The following COL11A1 variants were observed in gnomAD, a reference collection of about 807,000 sequenced individuals.
COL11A1 encodes collagen type XI alpha 1 chain, also known as collagen alpha-1(XI) chain.
In COL11A1, 74 loss-of-function variants were observed where a neutral mutation model predicts 265.2. The observed-to-expected ratio is 0.28, with a 90% CI of 0.23 to 0.34. The LOEUF is 0.34. Among genes scored for constraint, COL11A1 ranks in the 10% least tolerant of loss-of-function variants. The pLI is 1.00. For synonymous variants in COL11A1, 816 were observed against 727.6 expected (o/e 1.12, Z -1.96); for missense variants, 2,165 against 2,263.6 (o/e 0.96, Z 0.88).
At chr1:102,966,728 CATGTGTGCATATGTGT>C (rs1203881942) in intron 37 of COL11A1, among the ~76,000 whole-genome samples, 3 of 152,114 alleles carry the variant, frequency 2.0e-5, no homozygotes, top group African/African-American at 7.2e-5. Context: ...CACATATATA[CATGTGTGCATATGTGT>C]ATGTGTGTCC....
intron 4 of COL11A1, among the ~76,000 whole-genome samples, chr1:103,047,540 C>A (rs998788250): frequency 6.6e-6 from 1 of 152,168 alleles, no homozygotes; most frequent in Non-Finnish European, 1.5e-5. Flanking sequence ...ACAATCATGT[C>A]ATCTGCAAAC....
intron 31 of COL11A1, among the ~76,000 whole-genome samples, 181 bp downstream of exon 31, chr1:102,983,957 A>G (rs1663285973): frequency 6.6e-6 from 1 of 152,050 alleles, no homozygotes; most frequent in African/African-American, 2.4e-5. Flanking sequence ...GCAATCCATA[A>G]TCACCTAAGC....
intron 1 of COL11A1, among the ~76,000 whole-genome samples, chr1:103,085,599 A>C (rs112547358): frequency 1.3e-5 from 2 of 152,104 alleles, no homozygotes; most frequent in Admixed American, 1.3e-4. Flanking sequence ...GACCTGCTTG[A>C]CTTATATTCT....
intron 66 of COL11A1, among the ~76,000 whole-genome samples, chr1:102,879,111 A>G (rs1649910850): frequency 6.6e-6 from 1 of 152,154 alleles, no homozygotes; most frequent in South Asian, 2.1e-4. Flanking sequence ...TCAGTCATCA[A>G]TACTCAGCTA....
Position 102,940,425 on chromosome 1 carries a change from C to T in COL11A1, c.3286G>A (p.Gly1096Ser). 6.2e-7 allele frequency: 1 copy of T among 1,612,752 alleles called. No individual in the cohort carries two copies. The highest frequency in any genetic ancestry group is 8.5e-7 in the Non-Finnish European group (1 of 1,179,040). Reference sequence around the variant, plus strand: ...TCTCTCCCTGCAGGCCCTTGGGGACCTTTTTCTCCCTGTATTGAATATCCA... The same window carrying T: ...TCTCTCCCTGCAGGCCCTTGGGGACTTTTTTCTCCCTGTATTGAATATCCA... ...AGEKGAPGEK[G>S]PQGPAGRDGV... Residue 1096 changes from glycine to serine, a missense_variant, in exon 43 of 67, where the codon GGT becomes AGT. Gly to Ser is a moderately conservative substitution (Grantham distance 56). Transcript: ENST00000370096.
chr1:103,085,796 T>C (rs1452346475), intron 1 of COL11A1, among the ~76,000 whole-genome samples: 1 of 152,184 alleles, frequency 6.6e-6, no homozygotes, highest in Non-Finnish European at 1.5e-5. Flanking sequence ...TATGTGTTAT[T>C]TTCTCTTACC....
At chr1:102,969,437 G>A (rs1255531859) in intron 37 of COL11A1, among the ~76,000 whole-genome samples, 1 of 152,136 alleles carries the variant, frequency 6.6e-6, no homozygotes, top group Non-Finnish European at 1.5e-5. Flanking sequence ...AGTAATCATT[G>A]GTGAGAAGCA....
At chr1:102,970,411 A>G (rs944220799) in intron 36 of COL11A1, 139 bp from the exon 37 acceptor site, 10 of 625,856 alleles carry the variant, frequency 1.6e-5, no homozygotes, top group Admixed American at 8.4e-5. Context: ...GATTTTATAT[A>G]TGATAATATG....
chr1:103,085,067 T>A (rs910355803), intron 1 of COL11A1, among the ~76,000 whole-genome samples: 8 of 152,208 alleles, frequency 5.3e-5, no homozygotes, highest in Non-Finnish European at 1.5e-5. Flanking sequence ...TAAATTAAGG[T>A]ATAAACGTTT....
intron 33 of COL11A1, 71 bp downstream of exon 33, chr1:102,978,989 G>C: frequency 6.2e-7 from 1 of 1,606,384 alleles, no homozygotes; most frequent in Admixed American, 1.7e-5. Flanking sequence ...TTTTATTTTT[G>C]AAAAATAAAT....
intron 22 of COL11A1, 125 bp downstream of exon 22, chr1:103,002,622 G>T: frequency 9.1e-7 from 1 of 1,101,780 alleles, no homozygotes; most frequent in Non-Finnish European, 1.4e-6. Context: ...AAATATTAAT[G>T]CAAGCTGTAT....
In COL11A1 at chr1:102,878,109, T is replaced by G; in HGVS notation, c.5331A>C (p.Gln1777His). The G allele has an allele frequency of 1.2e-6, 2 of 1,613,328 alleles. No individual in the cohort carries two copies. Among genetic ancestry groups the G allele is most frequent in the Non-Finnish European group, 1.7e-6 (2 of 1,179,422 alleles). Residue 1777 changes from glutamine (Q) to histidine (H), a missense_variant, in exon 67 of 67, where the codon CAA becomes CAC. Physicochemically the swap from Gln to His is conservative, Grantham distance 24. Transcript: ENST00000370096. ...TGATCATGACATCAACAATAGGTACTTGATCAATTTTTGGTGTATTGATTT... is the reference window on the plus strand; with the variant it reads ...TGATCATGACATCAACAATAGGTACGTGATCAATTTTTGGTGTATTGATTT... ...VIEINTPKID[Q>H]VPIVDVMIND...
chr1:102,910,603 C>T, intron 54 of COL11A1, among the ~76,000 whole-genome samples: 1 of 152,212 alleles, frequency 6.6e-6, no homozygotes, highest in East Asian at 1.9e-4. Flanking sequence ...TGATGATTAT[C>T]CCTGTGCTCA....
At chr1:102,989,084 T>C (rs1247485763) in intron 29 of COL11A1, among the ~76,000 whole-genome samples, 1 of 152,122 alleles carries the variant, frequency 6.6e-6, no homozygotes, top group Admixed American at 6.5e-5. Context: ...ATTCAAAAAT[T>C]GAACACCACC....
At chr1:102,884,001 CAA>C (rs910845755) in intron 63 of COL11A1, among the ~76,000 whole-genome samples, 2 of 152,096 alleles carry the variant, frequency 1.3e-5, no homozygotes, top group African/African-American at 4.8e-5. Flanking sequence ...GTGGGAGTAA[CAA>C]AGTTATTCTT....
At chr1:103,007,360 G>A (rs116672066) in intron 15 of COL11A1, among the ~76,000 whole-genome samples, 2,021 of 152,134 alleles carry the variant, frequency 0.013, 17 homozygotes, top group Non-Finnish European at 0.021. Flanking sequence ...TAAAATAAAA[G>A]TGTACAGCTA....
chr1:102,961,990 T>C, intron 40 of COL11A1, 71 bp from the exon 41 acceptor site: 1 of 1,390,812 alleles, frequency 7.2e-7, no homozygotes, highest in Non-Finnish European at 1.0e-6. Flanking sequence ...AGATATCTGA[T>C]TAGTAAAATA....
chr1:102,960,475 TGG>T (rs2101557933), intron 41 of COL11A1, among the ~76,000 whole-genome samples: 1 of 35,974 alleles, frequency 2.8e-5, no homozygotes, highest in Non-Finnish European at 1.1e-4. Context: ...TAAAGGTCAC[TGG>T]GTGTGTGTGT....
chr1:102,939,541 A>G (rs1658503587), intron 43 of COL11A1, among the ~76,000 whole-genome samples: 1 of 151,338 alleles, frequency 6.6e-6, no homozygotes, highest in African/African-American at 2.4e-5. Flanking sequence ...CTACAAATAA[A>G]TGTTTTTAAA....
Sources: allele counts gnomAD v4.1 joint callset (sites outside exome capture counted in the v4.1 genomes callset), GRCh38; gene constraint gnomAD v4.1.1; transcripts MANE v1.5; gene names NCBI Gene and HGNC (gene_info 2026-07-23, HGNC 2026-07-21).